The following RPS6KC1 variants were observed in gnomAD, a reference collection of about 807,000 sequenced individuals.
The protein encoded by RPS6KC1 is ribosomal protein S6 kinase C1.
RPS6KC1 carries 54 observed loss-of-function variants against 103.8 expected under a neutral mutation model. The observed-to-expected ratio is 0.52, with a 90% CI of 0.42 to 0.65. The LOEUF (loss-of-function observed/expected upper bound fraction) is 0.65, where lower values mean the gene tolerates loss of function less well. Ranked by LOEUF, RPS6KC1 falls within the 30% of genes least tolerant of loss-of-function variation. The pLI, the probability that RPS6KC1 is intolerant of heterozygous loss-of-function variation, is 0.00. For missense variants in RPS6KC1, 1,151 were observed against 1,253.8 expected (o/e 0.92, Z 1.24); for synonymous variants, 439 against 438.7 (o/e 1.00, Z -0.01).
chr1:213,626,905 G>T, the RPS6KC1 span, among the ~76,000 whole-genome samples: 16 of 152,278 alleles, frequency 1.1e-4, no homozygotes, highest in African/African-American at 3.9e-4. Flanking sequence ...ATTGGGCGAT[G>T]CGGGCTCTTT....
the RPS6KC1 span, among the ~76,000 whole-genome samples, chr1:213,800,060 C>T: frequency 6.6e-6 from 1 of 152,264 alleles, no homozygotes; most frequent in East Asian, 1.9e-4. Flanking sequence ...ATTGGGGGCT[C>T]CATCCTCATG....
the RPS6KC1 span, among the ~76,000 whole-genome samples, chr1:213,835,614 A>G: frequency 6.6e-6 from 1 of 152,238 alleles, no homozygotes; most frequent in Non-Finnish European, 1.5e-5. Flanking sequence ...TAGCATGAAC[A>G]GGATGTCATG....
the RPS6KC1 span, among the ~76,000 whole-genome samples, chr1:213,310,372 G>A: frequency 2.0e-5 from 3 of 151,946 alleles, no homozygotes; most frequent in Admixed American, 6.6e-5. Context: ...CCCTCCCTGC[G>A]CTCCAGGCAT....
chr1:213,802,970 C>T, the RPS6KC1 span, among the ~76,000 whole-genome samples: 1 of 152,134 alleles, frequency 6.6e-6, no homozygotes, highest in Non-Finnish European at 1.5e-5. Flanking sequence ...GATAAGGGAG[C>T]TAACTTTTAC....
the RPS6KC1 span, among the ~76,000 whole-genome samples, chr1:213,386,138 A>G: frequency 3.9e-5 from 6 of 152,066 alleles, no homozygotes; most frequent in African/African-American, 1.4e-4. Flanking sequence ...CATTCCCTGG[A>G]GAGCTGGTTG....
the RPS6KC1 span, among the ~76,000 whole-genome samples, chr1:213,643,691 G>T: frequency 1.3e-5 from 2 of 151,812 alleles, no homozygotes; most frequent in South Asian, 4.1e-4. Flanking sequence ...GAAGTTAGGA[G>T]GGAAAAGGTC....
chr1:213,387,469 C>A, the RPS6KC1 span, among the ~76,000 whole-genome samples: 2 of 152,194 alleles, frequency 1.3e-5, no homozygotes, highest in Admixed American at 6.5e-5. Flanking sequence ...TCCAACTTGT[C>A]CCATTCAACA....
the RPS6KC1 span, among the ~76,000 whole-genome samples, chr1:213,660,635 A>G: frequency 6.6e-6 from 1 of 152,240 alleles, no homozygotes; most frequent in Non-Finnish European, 1.5e-5. Context: ...AAATACACCC[A>G]AAGCTATAAT....
chr1:213,682,245 G>A, the RPS6KC1 span, among the ~76,000 whole-genome samples: 20,422 of 152,122 alleles, frequency 0.13, 1,495 homozygotes, highest in Non-Finnish European at 0.15. Flanking sequence ...ATCCTTCAAA[G>A]TCCATTCTTC....
chr1:213,055,065 CTTAT>C (rs1453471602), intron 1 of RPS6KC1, among the ~76,000 whole-genome samples: 1 of 152,176 alleles, frequency 6.6e-6, no homozygotes, highest in African/African-American at 2.4e-5. Flanking sequence ...TGTATTATAA[CTTAT>C]TTAATTTACA....
At chr1:213,339,061 C>T in the RPS6KC1 span, among the ~76,000 whole-genome samples, 2 of 151,984 alleles carry the variant, frequency 1.3e-5, no homozygotes, top group Admixed American at 6.6e-5. Flanking sequence ...GTCAGGAGTT[C>T]GAGACCAGCC....
the RPS6KC1 span, among the ~76,000 whole-genome samples, chr1:213,390,094 T>A: frequency 1.3e-5 from 2 of 152,230 alleles, no homozygotes; most frequent in Non-Finnish European, 2.9e-5. Context: ...TGATGTTTGC[T>A]GCTTGAGATG....
At chr1:213,421,476 T>C in the RPS6KC1 span, among the ~76,000 whole-genome samples, 1 of 152,236 alleles carries the variant, frequency 6.6e-6, no homozygotes, top group Non-Finnish European at 1.5e-5. Context: ...TCATTAGGTA[T>C]GTCTTTTTCG....
chr1:213,361,906 G>A, the RPS6KC1 span, among the ~76,000 whole-genome samples: 1 of 152,208 alleles, frequency 6.6e-6, no homozygotes, highest in African/African-American at 2.4e-5. Context: ...GACAGGGCAG[G>A]CTTTGGCTGT....
At chr1:213,843,403 G>A in the RPS6KC1 span, 1 of 152,120 alleles carries the variant, frequency 6.6e-6, no homozygotes, top group African/African-American at 2.4e-5. Context: ...TTGGCATAGG[G>A]TAATACTGTT....
At chr1:213,317,959 A>T in the RPS6KC1 span, among the ~76,000 whole-genome samples, 8 of 152,370 alleles carry the variant, frequency 5.3e-5, no homozygotes, top group South Asian at 1.5e-3. Flanking sequence ...TGTGCATGAC[A>T]CAGAGGCACC....
the RPS6KC1 span, among the ~76,000 whole-genome samples, chr1:213,370,883 C>A: frequency 1.2e-4 from 18 of 152,144 alleles, no homozygotes; most frequent in Admixed American, 7.2e-4. Context: ...GCAGAGATGT[C>A]AAACTCGTGC....
At chr1:213,642,132 G>T in the RPS6KC1 span, among the ~76,000 whole-genome samples, 1 of 152,110 alleles carries the variant, frequency 6.6e-6, no homozygotes, top group South Asian at 2.1e-4. Flanking sequence ...ACCCAGCACA[G>T]TGCTCATTTC....
chr1:213,389,051 A>G, the RPS6KC1 span, among the ~76,000 whole-genome samples: 1 of 151,968 alleles, frequency 6.6e-6, no homozygotes, highest in Non-Finnish European at 1.5e-5. Context: ...GAGCTGTGCA[A>G]ACAATGGCTG....
Sources: allele counts gnomAD v4.1 joint callset (sites outside exome capture counted in the v4.1 genomes callset), GRCh38; gene constraint gnomAD v4.1.1; transcripts MANE v1.5; gene names NCBI Gene and HGNC (gene_info 2026-07-23, HGNC 2026-07-21).